The following ATP8B1 variants were observed in gnomAD, a reference collection of about 807,000 sequenced individuals.
ATP8B1 encodes ATPase phospholipid transporting 8B1, also known as phospholipid-transporting ATPase IC.
Under a neutral mutation model 149.9 loss-of-function variants are expected in ATP8B1, and 80 were observed. The ratio of observed to expected loss-of-function variants is 0.53; its 90% CI spans 0.45 to 0.64. ATP8B1 has a LOEUF of 0.64. Among genes scored for constraint, ATP8B1 ranks in the 30% least tolerant of loss-of-function variants. The probability of loss-of-function intolerance (pLI) is 0.00; values close to 1 mark genes in which losing one functional copy is unlikely to be tolerated. For missense variants in ATP8B1, 1,247 were observed against 1,552.6 expected, an observed-to-expected ratio of 0.80 and a Z score of 3.31; for synonymous variants, 536 against 562.8, an observed-to-expected ratio of 0.95 and a Z score of 0.67.
intron 1 of ATP8B1, among the ~76,000 whole-genome samples, chr18:57,798,994 T>C (rs1044251214): frequency 2.6e-5 from 4 of 152,318 alleles, no homozygotes; most frequent in African/African-American, 7.2e-5. Context: ...GTGAGTGATA[T>C]TTACAAAGTC....
intron 2 of ATP8B1, among the ~76,000 whole-genome samples, chr18:57,712,108 C>T (rs949752622): frequency 1.5e-4 from 22 of 151,124 alleles, no homozygotes; most frequent in African/African-American, 5.2e-4. Flanking sequence ...AATAGAAGCT[C>T]GCACGAATTG....
chr18:57,690,920 A>T (rs1457117543), intron 12 of ATP8B1, among the ~76,000 whole-genome samples: 1 of 152,180 alleles, frequency 6.6e-6, no homozygotes, highest in African/African-American at 2.4e-5. Flanking sequence ...TCATGCCTGT[A>T]ATCCCAGCAC....
At chr18:57,761,215 A>G (rs2080154966) in intron 1 of ATP8B1, among the ~76,000 whole-genome samples, 1 of 152,132 alleles carries the variant, frequency 6.6e-6, no homozygotes, top group African/African-American at 2.4e-5. Flanking sequence ...TGCTGGGATT[A>G]TAGGCGTGAG....
intron 1 of ATP8B1, among the ~76,000 whole-genome samples, chr18:57,760,817 C>T (rs1369853952): frequency 6.6e-6 from 1 of 151,744 alleles, no homozygotes; most frequent in African/African-American, 2.4e-5. Flanking sequence ...GGTGAAACCC[C>T]GTCTCTACTA....
At chr18:57,792,960 T>C (rs915254239) in intron 1 of ATP8B1, among the ~76,000 whole-genome samples, 9 of 152,070 alleles carry the variant, frequency 5.9e-5, no homozygotes, top group African/African-American at 2.2e-4. Context: ...TGAAGTCAAG[T>C]CCTCTGCTTC....
At chr18:57,684,562 T>G (rs1399002454) in intron 14 of ATP8B1, among the ~76,000 whole-genome samples, 2 of 151,948 alleles carry the variant, frequency 1.3e-5, no homozygotes, top group Admixed American at 1.3e-4. Flanking sequence ...ATGGGGTTTC[T>G]CTGGTCTCAA....
intron 19 of ATP8B1, 126 bp downstream of exon 19, chr18:57,668,303 A>G: frequency 1.5e-6 from 2 of 1,325,970 alleles, no homozygotes; most frequent in Non-Finnish European, 2.1e-6. Context: ...CAGAAAAAGC[A>G]TCTTCCGTCC....
In ATP8B1 at chr18:57,655,180, C is replaced by T. The variant is rs34451179; in HGVS notation, c.2931+14G>A. ...TCTACTTAGTAAATAACAATAATAA[C>T]AACATTACATTACCTGCGCAGAGTA... On this transcript the variant is annotated intron_variant, in intron 23 of 27. Coordinates refer to ENST00000648908, the MANE Select transcript of ATP8B1 (RefSeq NM_001374385.1). 1,768 of 1,581,384 alleles carry T rather than the reference C, an allele frequency of 1.1e-3. 31 individuals are homozygous for T. The East Asian group carries it at 0.03, about 27-fold the overall frequency.
At chr18:57,788,780 CTAT>C (rs1256722060) in intron 1 of ATP8B1, among the ~76,000 whole-genome samples, 1 of 152,038 alleles carries the variant, frequency 6.6e-6, no homozygotes, top group East Asian at 1.9e-4. Context: ...TAAAGAATTG[CTAT>C]TATTAGCTGA....
chr18:57,718,851 A>G (rs2123056560), intron 2 of ATP8B1, among the ~76,000 whole-genome samples: 1 of 152,292 alleles, frequency 6.6e-6, no homozygotes, highest in South Asian at 2.1e-4. Context: ...TCCTCAAAAA[A>G]CTGGGTACAG....
intron 1 of ATP8B1, among the ~76,000 whole-genome samples, chr18:57,801,682 C>T (rs1041112741): frequency 6.6e-6 from 1 of 152,260 alleles, no homozygotes; most frequent in Admixed American, 6.5e-5. Flanking sequence ...CATCGATAAC[C>T]TACCGTGTGC....
intron 10 of ATP8B1, among the ~76,000 whole-genome samples, 197 bp from the exon 11 acceptor site, chr18:57,694,867 T>C (rs1249645676): frequency 6.6e-6 from 1 of 151,830 alleles, no homozygotes; most frequent in East Asian, 1.9e-4. Context: ...CTGTCTCTAC[T>C]AAAAATACAA....
chr18:57,672,919 TATATATATATATAA>T lies in ATP8B1; in HGVS notation c.1820-1353_1820-1340del, dbSNP rs1333591633. ...ATATATATATATATATATATATATATATATATATATATAACATGTATATACACATATATACATAC... is the reference window on the plus strand; with the variant it reads ...ATATATATATATATATATATATATATCATGTATATACACATATATACATAC... On this transcript the variant is annotated intron_variant, in intron 16 of 27. Transcript: ENST00000648908. Among the ~76,000 whole-genome samples the T allele has an allele frequency of 3.2e-4, 18 of 55,690 alleles. 2 individuals carry two copies. The highest frequency in any genetic ancestry group is 7.4e-4 in the South Asian group (1 of 1,344). 36.5% of individuals were successfully genotyped at this position (55,690 alleles called of 152,430 possible).
intron 15 of ATP8B1, among the ~76,000 whole-genome samples, chr18:57,678,720 C>T (rs1911755303): frequency 3.3e-5 from 2 of 60,140 alleles, no homozygotes; most frequent in African/African-American, 4.7e-5. Flanking sequence ...TCCTGGCTAA[C>T]ATGGTGAAAC....
At chr18:57,656,161 C>A (rs1300399592) in intron 22 of ATP8B1, among the ~76,000 whole-genome samples, 1 of 152,084 alleles carries the variant, frequency 6.6e-6, no homozygotes, top group African/African-American at 2.4e-5. Context: ...GACCCTGCTT[C>A]TGTAGACCAT....
At chr18:57,746,889 G>A (rs1328793373) in intron 1 of ATP8B1, among the ~76,000 whole-genome samples, 1 of 152,196 alleles carries the variant, frequency 6.6e-6, no homozygotes, top group African/African-American at 2.4e-5. Flanking sequence ...ATGGAAGTGA[G>A]CTCAGAAGGG....
At chr18:57,668,629 AAGGGCTAATTAT>A in intron 18 of ATP8B1, 89 bp from the exon 19 acceptor site, 1 of 807,406 alleles carries the variant, frequency 1.2e-6, no homozygotes, top group Non-Finnish European at 2.0e-6. Context: ...CTGTAAAAAG[AAGGGCTAATTAT>A]ACATCCTGGT....
intron 1 of ATP8B1, among the ~76,000 whole-genome samples, chr18:57,786,165 G>A (rs1419178443): frequency 2.0e-5 from 3 of 152,130 alleles, no homozygotes; most frequent in Non-Finnish European, 2.9e-5. Context: ...TCTTGCCAAG[G>A]TGCTATTCTC....
At position 57,669,481 on chromosome 18, in the gene ATP8B1, A is replaced by T. The variant is rs375416931; in HGVS notation, c.1934T>A (p.Ile645Asn). ...GGTTCTAAGAGTTTCATTTGCAAAG[A>T]TCTGTTTTATTTAAAAAAATAAATC... ...TKQETQDALD[I>N]FANETLRTLC... is the part of the protein sequence containing the mutation. Residue 645 changes from isoleucine to asparagine, a missense_variant and splice_region_variant, in exon 18 of 28, where the codon ATC becomes AAC. Transcript: ENST00000648908. The T allele has an allele frequency of 5.0e-6, 8 of 1,610,532 alleles. No homozygotes were observed. The African/African-American group carries it at 1.1e-4, about 22-fold the overall frequency.
Sources: gnomAD v4.1 joint callset for allele counts (sites outside exome capture counted in the v4.1 genomes callset) on GRCh38, gnomAD v4.1.1 for gene constraint, MANE v1.5 for transcripts, NCBI Gene and HGNC (gene_info 2026-07-23, HGNC 2026-07-21) for gene names.